KIAA0586: variants seen among roughly 807,000 people sequenced by gnomAD.
KIAA0586 encodes protein TALPID3.
Under a neutral mutation model 169.8 loss-of-function variants are expected in KIAA0586, and 144 were observed. The observed-to-expected ratio is 0.85, with a 90% CI of 0.74 to 0.97. The LOEUF (loss-of-function observed/expected upper bound fraction) is 0.97, where lower values mean the gene tolerates loss of function less well. Ranked by LOEUF, KIAA0586 falls within the 50% of genes least tolerant of loss-of-function variation. The pLI is 0.00. For missense variants in KIAA0586, 1,854 were observed against 1,823.0 expected (o/e 1.02, Z -0.31); for synonymous variants, 625 against 612.4 (o/e 1.02, Z -0.30).
chr14:58,551,231 A>G lies in KIAA0586; in HGVS notation c.*3299A>G, dbSNP rs575632811. 6.6e-6 allele frequency: 1 copy of G among 152,192 alleles called. No homozygotes were observed. Among genetic ancestry groups the G allele is most frequent in the Admixed American group, 6.6e-5 (1 of 15,264 alleles). 9.4% of individuals were successfully genotyped at this position (152,192 alleles called of 1,614,324 possible). The stretch of plus-strand genomic sequence containing the variant: ...TAAATAAAATGTTCCTCTGTTTTAA[A>G]TCCTAAATTCGTTCTTTGTATACTT... On this transcript the variant is annotated 3_prime_UTR_variant, in exon 31 of 31. Transcript: ENST00000652326.
intron 20 of KIAA0586, 126 bp from the exon 21 acceptor site, chr14:58,482,387 T>C (rs2042094139): frequency 7.4e-6 from 5 of 675,014 alleles, no homozygotes; most frequent in African/African-American, 1.9e-5. Context: ...GATCACATCA[T>C]TGCACTCCAG....
intron 24 of KIAA0586, among the ~76,000 whole-genome samples, chr14:58,489,865 T>C (rs981065453): frequency 3.3e-5 from 5 of 152,186 alleles, no homozygotes; most frequent in African/African-American, 1.2e-4. Context: ...TTAATCAGTT[T>C]TAATTATATC....
chr14:58,478,638 C>G (rs2475404), intron 20 of KIAA0586, among the ~76,000 whole-genome samples: 150,045 of 152,236 alleles, frequency 0.99, 73,977 homozygotes, highest in East Asian at 1. Context: ...GGCCCAGTTT[C>G]ACAAGTTCAC....
intron 29 of KIAA0586, among the ~76,000 whole-genome samples, chr14:58,530,435 C>T (rs2045885240): frequency 6.6e-6 from 1 of 152,206 alleles, no homozygotes; most frequent in Admixed American, 6.5e-5. Flanking sequence ...TACCTGACTT[C>T]AAACTATATT....
At chr14:58,538,882 C>T (rs79187532) in intron 29 of KIAA0586, among the ~76,000 whole-genome samples, 1,618 of 152,120 alleles carry the variant, frequency 0.011, 30 homozygotes, top group African/African-American at 0.037. Context: ...TGGACTCAAG[C>T]CATCCTCCCA....
chr14:58,544,013 T>A (rs1193708631), intron 30 of KIAA0586: 1 of 435,524 alleles, frequency 2.3e-6, no homozygotes, highest in Non-Finnish European at 4.6e-6. Flanking sequence ...CTCCTCTTCT[T>A]CCTCTCACCC....
chr14:58,448,651 C>T (rs1018884435), intron 7 of KIAA0586, among the ~76,000 whole-genome samples, 158 bp downstream of exon 7: 37 of 151,326 alleles, frequency 2.4e-4, no homozygotes, highest in African/African-American at 9.0e-4. Context: ...TTTAAATGTT[C>T]TTTTTTTAAA....
chr14:58,513,120 C>T (rs1370624151), intron 29 of KIAA0586, among the ~76,000 whole-genome samples: 1 of 151,888 alleles, frequency 6.6e-6, no homozygotes, highest in African/African-American at 2.4e-5. Context: ...CCTTTAATTC[C>T]ACAGTCAGCG....
chr14:58,453,289 A>C, intron 8 of KIAA0586, 61 bp from the exon 9 acceptor site: 1 of 903,980 alleles, frequency 1.1e-6, no homozygotes, highest in Non-Finnish European at 1.6e-6. Flanking sequence ...TATGTGAGAT[A>C]TTATATACAA....
Position 58,490,173 on chromosome 14 carries a change from A to T in KIAA0586, c.3791A>T (p.Asp1264Val), listed in dbSNP as rs1223415414. The change falls in exon 25 of 31, where the codon GAT (aspartate) becomes GTT (valine). Residue 1264 changes from aspartate to valine, a missense_variant. Transcript: ENST00000652326. ...ATATTTTAATTTCTAGTTTTAGAAG[A>T]TATAGGACTGTACCTGACAAACCTT... is the stretch of plus-strand genomic sequence containing the variant. The part of the protein sequence containing the change: ...GQKLAPKILE[D>V]IGLYLTNLND... 3.5e-6 allele frequency: 5 copies of T among 1,432,184 alleles called. No individual in the cohort carries two copies. In the East Asian group the frequency reaches 1.3e-4, roughly 36 times the overall value. The allele number at this position is 1,432,184 out of a possible 1,614,324, so 88.7% of individuals were successfully genotyped here. A position where few individuals can be genotyped will look rare whatever the true frequency, so the allele number is the denominator to read the frequency against.
At chr14:58,525,600 A>G (rs114441682) in intron 29 of KIAA0586, among the ~76,000 whole-genome samples, 1,769 of 152,260 alleles carry the variant, frequency 0.012, 40 homozygotes, top group African/African-American at 0.041. Context: ...CTACACCACG[A>G]GGGCCCTAGG....
intron 29 of KIAA0586, among the ~76,000 whole-genome samples, chr14:58,525,965 C>G (rs1956447625): frequency 6.6e-6 from 1 of 152,196 alleles, no homozygotes; most frequent in Non-Finnish European, 1.5e-5. Flanking sequence ...TGTGTGGAAC[C>G]CACCATGTCT....
In KIAA0586 at chr14:58,547,794, G is replaced by A; in HGVS notation, c.4509G>A (p.Val1503=). ...LTCVFSGGKA[V]PLSASQMPPA... is the part of the protein sequence containing the mutation. ...TCCTTTGTGCAGGTGGGAAAGCAGT[G>A]CCACTCTCCGCTTCACAGATGCCCC... The change falls in exon 31 of 31, where the codon GTG becomes GTA. Residue 1503 remains valine (V), a synonymous_variant. Transcript: ENST00000652326. 6.2e-7 allele frequency: 1 copy of A among 1,613,028 alleles called. No individual in the cohort carries two copies. The highest frequency in any genetic ancestry group is 1.1e-5 in the South Asian group (1 of 91,028).
At chr14:58,455,715 C>CCTTGA (rs2039777007) in intron 9 of KIAA0586, among the ~76,000 whole-genome samples, 1 of 151,952 alleles carries the variant, frequency 6.6e-6, no homozygotes, top group African/African-American at 2.4e-5. Flanking sequence ...CGAGTGCATG[C>CCTTGA]ACATGCATGT....
At chr14:58,487,256 A>T in intron 22 of KIAA0586, 90 bp downstream of exon 22, 3 of 1,108,418 alleles carry the variant, frequency 2.7e-6, no homozygotes, top group Non-Finnish European at 3.8e-6. Context: ...ACTAGGTTTT[A>T]GTAAATCATT....
At chr14:58,526,185 C>T (rs2045572337) in intron 29 of KIAA0586, among the ~76,000 whole-genome samples, 1 of 152,226 alleles carries the variant, frequency 6.6e-6, no homozygotes, top group Admixed American at 6.5e-5. Flanking sequence ...CAGCAAATCT[C>T]CCAGCATAGC....
intron 27 of KIAA0586, among the ~76,000 whole-genome samples, chr14:58,507,733 G>T (rs185587237): frequency 6.6e-6 from 1 of 151,812 alleles, no homozygotes; most frequent in African/African-American, 2.4e-5. Context: ...AGATATCTCT[G>T]CTCTTGTCTT....
chr14:58,428,460 C>A lies in KIAA0586; in HGVS notation c.196C>A (p.Arg66Ser), dbSNP rs746988251. 2 of 1,605,114 alleles carry A rather than the reference C, an allele frequency of 1.2e-6. No individual in the cohort carries two copies. The highest frequency in any genetic ancestry group is 1.3e-5 in the African/African-American group (1 of 74,658). Residue 66 changes from arginine (R) to serine (S), a missense_variant, in exon 1 of 31, where the codon CGT becomes AGT. Transcript: ENST00000652326. ...GGGGACTAGTTTGAATGGAACATCA[C>A]GTGGTATGTGATTCCATGTAGTTTT... ...GTGTSLNGTS[R>S]GSSDLTSARN... is the part of the protein sequence containing the mutation.
At chr14:58,462,246 CTTTTT>C (rs10597707) in intron 14 of KIAA0586, among the ~76,000 whole-genome samples, 5 of 89,452 alleles carry the variant, frequency 5.6e-5, no homozygotes, top group Admixed American at 2.4e-4. Context: ...TGTAGTTTTG[CTTTTT>C]TTTTTTTTTT....
Sources: gnomAD v4.1 joint callset for allele counts (sites outside exome capture counted in the v4.1 genomes callset) on GRCh38, gnomAD v4.1.1 for gene constraint, MANE v1.5 for transcripts, NCBI Gene and HGNC (gene_info 2026-07-23, HGNC 2026-07-21) for gene names.